Variants in MED23 observed in about 807,000 individuals in gnomAD.
MED23 encodes the protein mediator complex subunit 23, also known as mediator of RNA polymerase II transcription subunit 23.
Under a neutral mutation model 163.9 loss-of-function variants are expected in MED23, and 105 were observed. The observed-to-expected ratio is 0.64, with a 90% confidence interval of 0.55 to 0.75. The LOEUF is 0.75. MED23 is among the 30% of genes least tolerant of loss of function. MED23 has a pLI of 0.00. For missense variants in MED23, 1,054 were observed against 1,649.0 expected (o/e 0.64, Z 6.25); for synonymous variants, 561 against 565.6 (o/e 0.99, Z 0.12).
chr6:131,601,120 A>C (rs980286617), intron 17 of MED23, among the ~76,000 whole-genome samples: 2 of 152,302 alleles, frequency 1.3e-5, no homozygotes, highest in East Asian at 3.9e-4. Flanking sequence ...TATTTAGCAG[A>C]CATTTTCTTG....
chr6:131,615,868 C>A lies in MED23; in HGVS notation c.876+39G>T, dbSNP rs1328339919. On this transcript the variant is annotated intron_variant, in intron 10 of 28. Transcript: ENST00000368068. ...AAAAGAGAAAAGAATAGTGCAGATT[C>A]TATGCAGAATTTACTAGGTTTCCAG... is the stretch of plus-strand genomic sequence containing the variant. The A allele has an allele frequency of 2.1e-6, 3 of 1,442,244 alleles. No homozygotes were observed. The African/African-American group carries it at 4.2e-5, about 20-fold the overall frequency. The allele number at this position is 1,442,244 out of a possible 1,614,324, so 89.3% of individuals were successfully genotyped here.
chr6:131,618,661 T>C (rs1776865862), intron 8 of MED23, 142 bp from the exon 9 acceptor site: 2 of 643,122 alleles, frequency 3.1e-6, no homozygotes, highest in Admixed American at 2.7e-5. Context: ...TCAATGAGAC[T>C]GAAGGTTGGG....
chr6:131,574,294 T>C, exon 31 of MED23: 1 of 1,614,008 alleles, frequency 6.2e-7, no homozygotes, highest in South Asian at 1.1e-5. Context: ...TCTGACTTTT[T>C]ACTGCAAAAC....
chr6:131,602,490 T>C, intron 16 of MED23, 109 bp from the exon 17 acceptor site: 1 of 966,086 alleles, frequency 1.0e-6, no homozygotes, highest in Non-Finnish European at 1.5e-6. Flanking sequence ...ATCCCTTCTT[T>C]AAAAAAACAC....
intron 24 of MED23, 142 bp downstream of exon 24, chr6:131,592,864 G>T: frequency 9.9e-7 from 1 of 1,009,734 alleles, no homozygotes; most frequent in Non-Finnish European, 1.5e-6. Flanking sequence ...ATATCACAAA[G>T]ACAAGATCTG....
chr6:131,627,634 C>T lies in MED23; in HGVS notation c.71+7G>A. On this transcript the variant is annotated splice_region_variant and intron_variant, in intron 2 of 28. Coordinates refer to ENST00000368068, the MANE Select transcript of MED23 (RefSeq NM_004830.4). The stretch of plus-strand genomic sequence containing the variant: ...AAAACACAAAACTCTGCCACGCATA[C>T]ACTCACCCAGGAAAAGCCTCTTCTA... 1 of 1,610,720 alleles carries T rather than the reference C, an allele frequency of 6.2e-7. No homozygotes were observed. The highest frequency in any genetic ancestry group is 8.5e-7 in the Non-Finnish European group (1 of 1,177,992).
chr6:131,621,945 T>C lies in MED23; in HGVS notation c.431A>G (p.Lys144Arg). 6.2e-7 allele frequency: 1 copy of C among 1,613,790 alleles called. No individual in the cohort carries two copies. The highest frequency in any genetic ancestry group is 8.5e-7 in the Non-Finnish European group (1 of 1,179,772). The change falls in exon 6 of 29, where the codon AAG (lysine) becomes AGG (arginine). Residue 144 changes from lysine (K) to arginine (R), a missense_variant. Lys to Arg is a conservative substitution (Grantham distance 26). Transcript: ENST00000368068. The stretch of plus-strand genomic sequence containing the variant: ...CACTGTATTAGGAATTGTCAAAATC[T>C]TCTCCAAAATCACTTTTAAGAGATC... ...VRDLLKVILE[K>R]ILTIPNTVSS...
intron 10 of MED23, chr6:131,615,249 T>G (rs1776589552): frequency 6.5e-7 from 1 of 1,550,140 alleles, no homozygotes; most frequent in African/African-American, 1.4e-5. Context: ...ACACGTATTC[T>G]CTAAATGGAA....
chr6:131,581,244 C>G (rs1320194930), intron 30 of MED23: 1 of 1,613,852 alleles, frequency 6.2e-7, no homozygotes. Flanking sequence ...CATCTCTGGC[C>G]ATGCCAGGGT....
chr6:131,602,994 T>A, intron 16 of MED23, 36 bp downstream of exon 16: 1 of 1,607,512 alleles, frequency 6.2e-7, no homozygotes, highest in Non-Finnish European at 8.5e-7. Flanking sequence ...AAGTTTCTAA[T>A]AAATCTTAAG....
chr6:131,608,113 A>C, intron 11 of MED23, 42 bp from the exon 12 acceptor site: 1 of 1,605,932 alleles, frequency 6.2e-7, no homozygotes, highest in Non-Finnish European at 8.5e-7. Context: ...ACTGCTACTT[A>C]AAGAGATGAA....
At chr6:131,594,909 G>A (rs1014831101) in intron 22 of MED23, among the ~76,000 whole-genome samples, 7 of 152,194 alleles carry the variant, frequency 4.6e-5, no homozygotes, top group Non-Finnish European at 2.9e-5. Context: ...AAGAAACTGG[G>A]TAGCTGGAGG....
chr6:131,589,459 A>G lies in MED23; in HGVS notation c.3939+6T>C, dbSNP rs767485613. Reference sequence around the variant, plus strand: ...CATTAAAAATAATTAAACAAATTCAACTTACTTGCTCTTTCACGCTGTCAC... The same window carrying G: ...CATTAAAAATAATTAAACAAATTCAGCTTACTTGCTCTTTCACGCTGTCAC... On this transcript the variant is annotated splice_donor_region_variant and intron_variant, in intron 28 of 28. Transcript: ENST00000368068. 5 of 1,611,240 alleles carry G rather than the reference A, an allele frequency of 3.1e-6. No individual in the cohort carries two copies. The highest frequency in any genetic ancestry group is 3.4e-6 in the Non-Finnish European group (4 of 1,178,276).
intron 12 of MED23, among the ~76,000 whole-genome samples, chr6:131,607,632 C>G (rs1775955723): frequency 6.6e-6 from 1 of 152,022 alleles, no homozygotes; most frequent in African/African-American, 2.4e-5. Flanking sequence ...ACTCAAATAT[C>G]TTATATGATA....
At position 131,605,445 on chromosome 6, in the gene MED23, TC is replaced by T. The variant is rs757330070; in HGVS notation, c.1407del (p.Met469IlefsTer28). The T allele has an allele frequency of 6.2e-7, 1 of 1,607,308 alleles. No homozygotes were observed. The highest frequency in any genetic ancestry group is 2.2e-5 in the East Asian group (1 of 44,730). On this transcript the variant is annotated frameshift_variant, in exon 14 of 29. Coordinates refer to ENST00000368068, the MANE Select transcript of MED23 (RefSeq NM_004830.4). LOFTEE classifies it high-confidence loss of function. Reference protein sequence around the residue: ...QQSLRNKSLQMNDYKIALLCN... With the variant: ...QQSLRNKSLQXNDYKIALLCN... ...CACAATAGAGCAATCTTATAGTCATTCATCTGTAAACTTTTATTTCTTAGAC... is the reference window on the plus strand; with the variant it reads ...CACAATAGAGCAATCTTATAGTCATTATCTGTAAACTTTTATTTCTTAGAC...
Position 131,623,437 on chromosome 6 carries a change from A to T in MED23, c.310T>A (p.Ser104Thr). The T allele has an allele frequency of 6.2e-7, 1 of 1,614,152 alleles. No individual in the cohort carries two copies. Among genetic ancestry groups the T allele is most frequent in the Non-Finnish European group, 8.5e-7 (1 of 1,180,012 alleles). The change falls in exon 5 of 29, where the codon TCT becomes ACT. Residue 104 changes from serine (S) to threonine (T), a missense_variant. Physicochemically the swap from Ser to Thr is moderately conservative, Grantham distance 58 (BLOSUM62 1). Around this residue, in one of 11 missense-constraint regions of MED23, gnomAD observed 227 missense variants for 235.5 expected, o/e 0.96. Coordinates refer to ENST00000368068, the MANE Select transcript of MED23 (RefSeq NM_004830.4). ...PRLVCESLIN[S>T]DTLEWERTQL... ...GTTCTTTCCCACTCAAGAGTGTCAG[A>T]GTTTATCAGGGATTCACAAACCAGC...
chr6:131,590,009 T>A (rs993288966), intron 27 of MED23, among the ~76,000 whole-genome samples: 1 of 152,210 alleles, frequency 6.6e-6, no homozygotes, highest in Non-Finnish European at 1.5e-5. Context: ...GACATTTTGT[T>A]AGAAGTGACT....
intron 26 of MED23, among the ~76,000 whole-genome samples, chr6:131,591,094 C>A (rs890031577): frequency 2.0e-5 from 3 of 151,448 alleles, no homozygotes; most frequent in African/African-American, 7.3e-5. Flanking sequence ...GATTCTCCTG[C>A]CTTAGCCTCC....
At position 131,623,416 on chromosome 6, in the gene MED23, T is replaced by C; in HGVS notation, c.331A>G (p.Arg111Gly). ...AATGTTAAGGCCCAAAGCTGTGTTC[T>C]TTCCCACTCAAGAGTGTCAGAGTTT... The part of the protein sequence containing the change: ...LINSDTLEWE[R>G]TQLWALTFKL... Residue 111 changes from arginine (R) to glycine (G), a missense_variant, in exon 5 of 29, where the codon AGA becomes GGA. By Grantham distance (125) the Arg-to-Gly change is moderately radical (BLOSUM62 -2). Coordinates refer to ENST00000368068, the MANE Select transcript of MED23 (RefSeq NM_004830.4). 6.2e-7 allele frequency: 1 copy of C among 1,614,194 alleles called. No homozygotes were observed. The highest frequency in any genetic ancestry group is 8.5e-7 in the Non-Finnish European group (1 of 1,180,042).
Sources: allele counts gnomAD v4.1 joint callset (sites outside exome capture counted in the v4.1 genomes callset), GRCh38; gene constraint gnomAD v4.1.1; regional missense constraint gnomAD v4.1.1; transcripts MANE v1.5; gene names NCBI Gene and HGNC (gene_info 2026-07-23, HGNC 2026-07-21).